The following KLHDC1 variants were observed in gnomAD, a reference collection of about 807,000 sequenced individuals.
KLHDC1 encodes the protein kelch domain-containing protein 1.
In KLHDC1, 53 loss-of-function variants were observed where a neutral mutation model predicts 68.3. That is an observed-to-expected ratio of 0.78 (90% CI 0.62 to 0.98). The LOEUF is 0.98. Ranked by LOEUF, KLHDC1 falls within the 50% of genes least tolerant of loss-of-function variation. The pLI is 0.00. For synonymous variants in KLHDC1, 148 were observed against 159.0 expected (o/e 0.93, Z 0.52); for missense variants, 470 against 492.3 (o/e 0.95, Z 0.43).
At chr14:49,693,346 C>G in intron 1 of KLHDC1, 56 bp downstream of exon 1, 1 of 1,218,240 alleles carries the variant, frequency 8.2e-7, no homozygotes, top group Non-Finnish European at 1.1e-6. Flanking sequence ...TCGGCCTGAG[C>G]GGACGCAGCG....
intron 12 of KLHDC1, among the ~76,000 whole-genome samples, chr14:49,749,368 G>A (rs7147462): frequency 0.67 from 101,049 of 151,910 alleles, 34,324 homozygotes; most frequent in South Asian, 0.88. Flanking sequence ...GTTCTATCTC[G>A]TGGAAATACA....
At chr14:49,704,399 T>G (rs1887992710) in intron 1 of KLHDC1, among the ~76,000 whole-genome samples, 1 of 131,776 alleles carries the variant, frequency 7.6e-6, no homozygotes, top group African/African-American at 2.8e-5. Context: ...TTTTTTTTTT[T>G]TTTTTTTTTT....
intron 5 of KLHDC1, among the ~76,000 whole-genome samples, chr14:49,724,641 T>G (rs1252382750): frequency 6.6e-6 from 1 of 152,080 alleles, no homozygotes; most frequent in Non-Finnish European, 1.5e-5. Context: ...ATGTTGTTTT[T>G]GAGTTTTAAA....
intron 9 of KLHDC1, among the ~76,000 whole-genome samples, chr14:49,733,497 G>A (rs375692521): frequency 1.3e-5 from 2 of 148,840 alleles, no homozygotes; most frequent in South Asian, 2.1e-4. Flanking sequence ...GTGCAATCTC[G>A]GCTCACTGCA....
intron 4 of KLHDC1, among the ~76,000 whole-genome samples, chr14:49,712,442 A>C (rs1346116387): frequency 6.6e-6 from 1 of 151,832 alleles, no homozygotes; most frequent in Admixed American, 6.6e-5. Flanking sequence ...AGTTAAGCAA[A>C]TTCATGTTCT....
chr14:49,707,012 C>G (rs1222962493), intron 1 of KLHDC1, among the ~76,000 whole-genome samples: 1 of 152,130 alleles, frequency 6.6e-6, no homozygotes, highest in African/African-American at 2.4e-5. Context: ...TCCATTTTTG[C>G]TTTGGTGGCC....
chr14:49,732,959 T>C, intron 9 of KLHDC1, 143 bp downstream of exon 9: 1 of 590,032 alleles, frequency 1.7e-6, no homozygotes, highest in East Asian at 2.9e-5. Flanking sequence ...GCATGAATTA[T>C]GATCTCCTTG....
chr14:49,729,156 A>AGATGATTAT, intron 7 of KLHDC1, 147 bp downstream of exon 7: 4 of 632,894 alleles, frequency 6.3e-6, no homozygotes, highest in Non-Finnish European at 1.1e-5. Flanking sequence ...TCTAATTCAT[A>AGATGATTAT]AACAGACCAT....
intron 4 of KLHDC1, among the ~76,000 whole-genome samples, chr14:49,720,325 GC>G (rs1245641046): frequency 6.6e-6 from 1 of 152,048 alleles, no homozygotes; most frequent in East Asian, 1.9e-4. Flanking sequence ...TCACTATGTT[GC>G]CCAGGCAGAC....
At chr14:49,701,939 C>G (rs983331341) in intron 1 of KLHDC1, among the ~76,000 whole-genome samples, 1 of 151,646 alleles carries the variant, frequency 6.6e-6, no homozygotes, top group African/African-American at 2.4e-5. Context: ...GAGGCCGAGG[C>G]GGGCAGATCA....
chr14:49,717,517 T>G (rs1328930868), intron 4 of KLHDC1, among the ~76,000 whole-genome samples: 1 of 152,208 alleles, frequency 6.6e-6, no homozygotes, highest in Non-Finnish European at 1.5e-5. Context: ...TGGAGAAATG[T>G]CTATTCAAAT....
At chr14:49,718,912 G>A (rs1477654513) in intron 4 of KLHDC1, among the ~76,000 whole-genome samples, 1 of 150,178 alleles carries the variant, frequency 6.7e-6, no homozygotes, top group Non-Finnish European at 1.5e-5. Flanking sequence ...AAGTATCTGG[G>A]ATTACAGCCG....
rs141365888 is a variant in KLHDC1 at position 49,751,653 on chromosome 14, A to G, written c.1102A>G (p.Lys368Glu). 1.7e-5 allele frequency: 27 copies of G among 1,606,090 alleles called. No individual in the cohort carries two copies. The African/African-American group carries it at 3.5e-4, about 21-fold the overall frequency. Residue 368 changes from lysine to glutamate, a missense_variant, in exon 13 of 13, where the codon AAA (lysine) becomes GAA (glutamate). By Grantham distance (56) the Lys-to-Glu change is moderately conservative. Transcript: ENST00000359332. ...LESQISLLPPKLLQQVLKKIT... is the reference protein window; with the variant it reads ...LESQISLLPPELLQQVLKKIT... ...AAGTCAGATATCTTTATTACCTCCT[A>G]AACTTCTGCAACAAGTACTCAAAAA...
rs186053349 is a variant in KLHDC1, at chr14:49,733,244, A to T, written c.823+428A>T. Among the ~76,000 whole-genome samples, 3 of 152,220 alleles carry T rather than the reference A, an allele frequency of 2.0e-5. No homozygotes were observed. In the East Asian group the frequency reaches 5.8e-4, roughly 29 times the overall value. On this transcript the variant is annotated intron_variant, in intron 9 of 12. Transcript: ENST00000359332. ...CCAGTTGCTTCTCTTTTTGTTCCAG[A>T]GCTGTAGAGGAAAGTGTTTAGCTAG...
chr14:49,724,824 G>C (rs1231397643), intron 5 of KLHDC1, among the ~76,000 whole-genome samples: 4 of 143,244 alleles, frequency 2.8e-5, no homozygotes, highest in African/African-American at 1.0e-4. Flanking sequence ...GAACACAAAT[G>C]GTATTTTTTT....
intron 4 of KLHDC1, among the ~76,000 whole-genome samples, chr14:49,715,697 G>A (rs1313734934): frequency 1.3e-4 from 17 of 134,356 alleles, no homozygotes; most frequent in African/African-American, 4.8e-4. Flanking sequence ...GTGATCTGAG[G>A]TTGTGCCATT....
Position 49,710,277 on chromosome 14 carries a change from T to C in KLHDC1, c.300T>C (p.Asn100=). 6.3e-7 allele frequency: 1 copy of C among 1,593,502 alleles called. No homozygotes were observed. The highest frequency in any genetic ancestry group is 2.2e-5 in the East Asian group (1 of 44,698). Residue 100 remains asparagine, a synonymous_variant, in exon 4 of 13, where the codon AAT becomes AAC. Coordinates refer to ENST00000359332, the MANE Select transcript of KLHDC1 (RefSeq NM_172193.3). ...KGYSNRLYFV[N]LRTRDETYIW... is the part of the protein sequence containing the mutation. ...ATCTTTTAAAGCTTTATTTTGTTAA[T>C]TTACGAACAAGAGATGAAACCTACA... is the stretch of plus-strand genomic sequence containing the variant.
chr14:49,739,201 C>T (rs1889002999), intron 10 of KLHDC1, among the ~76,000 whole-genome samples: 1 of 152,060 alleles, frequency 6.6e-6, no homozygotes, highest in Admixed American at 6.6e-5. Flanking sequence ...GCATAAGAAA[C>T]AGAGTGAACA....
chr14:49,746,032 G>A (rs530585356), intron 12 of KLHDC1, among the ~76,000 whole-genome samples: 6 of 152,274 alleles, frequency 3.9e-5, no homozygotes, highest in African/African-American at 1.4e-4. Flanking sequence ...TGTCTGATCT[G>A]GAAAGTATCA....
Sources: allele counts gnomAD v4.1 joint callset (sites outside exome capture counted in the v4.1 genomes callset), GRCh38; gene constraint gnomAD v4.1.1; transcripts MANE v1.5; gene names NCBI Gene and HGNC (gene_info 2026-07-23, HGNC 2026-07-21).